Variants in FGF2 observed in about 807,000 individuals in gnomAD.
FGF2 encodes the protein fibroblast growth factor 2.
In FGF2, 13 loss-of-function variants were observed where a neutral mutation model predicts 15.9. The ratio of observed to expected loss-of-function variants is 0.82; its 90% CI spans 0.53 to 1.30. The LOEUF (loss-of-function observed/expected upper bound fraction) is 1.30, where lower values mean the gene tolerates loss of function less well. Ranked by LOEUF, FGF2 falls within the 50% of genes most tolerant of loss-of-function variation. The probability of loss-of-function intolerance (pLI) is 0.00; values close to 1 mark genes in which losing one functional copy is unlikely to be tolerated. For synonymous variants in FGF2, 90 were observed against 78.4 expected (o/e 1.15, Z -0.78); for missense variants, 163 against 196.9 (o/e 0.83, Z 1.03).
rs771402544 is a variant in FGF2 at position 122,826,838 on chromosome 4, TA to T, written c.-336del. On this transcript the variant is annotated 5_prime_UTR_variant, in exon 1 of 3. Coordinates refer to ENST00000644866, the MANE Select transcript of FGF2 (RefSeq NM_001361665.2). ...CGCCGCGGCCCGGCGGGTGCCAGAT[TA>T]GCGGACGCGGTGCCCGCGGTTGCAA... is the stretch of plus-strand genomic sequence containing the variant. 4 of 1,483,554 alleles carry T rather than the reference TA, an allele frequency of 2.7e-6. No individual in the cohort carries two copies. The Admixed American group carries it at 8.6e-5, about 32-fold the overall frequency. The allele number at this position is 1,483,554 out of a possible 1,614,324, so 91.9% of individuals were successfully genotyped here. A position where few individuals can be genotyped will look rare whatever the true frequency, so the allele number is the denominator to read the frequency against.
At chr4:122,832,250 C>T (rs1355868350) in intron 1 of FGF2, among the ~76,000 whole-genome samples, 2 of 152,058 alleles carry the variant, frequency 1.3e-5, no homozygotes, top group Admixed American at 1.3e-4. Context: ...CTTTGGGGCA[C>T]ATATCTTTTT....
chr4:122,837,278 G>A (rs1416581724), intron 1 of FGF2, among the ~76,000 whole-genome samples: 13 of 152,146 alleles, frequency 8.5e-5, no homozygotes, highest in African/African-American at 3.1e-4. Context: ...TGAATGACCA[G>A]TCTCATTCTA....
chr4:122,869,805 C>T (rs1726690454), intron 1 of FGF2, among the ~76,000 whole-genome samples: 1 of 152,152 alleles, frequency 6.6e-6, no homozygotes. Flanking sequence ...GACTTCCTCT[C>T]TTCCTATTTC....
At chr4:122,857,301 C>T (rs909588303) in intron 1 of FGF2, among the ~76,000 whole-genome samples, 1 of 152,212 alleles carries the variant, frequency 6.6e-6, no homozygotes, top group African/African-American at 2.4e-5. Flanking sequence ...GTCCTCTCTA[C>T]CTGTCAACTT....
Position 122,892,471 on chromosome 4 carries a change from A to G in FGF2, c.*75A>G. 1 of 1,605,766 alleles carries G rather than the reference A, an allele frequency of 6.2e-7. No homozygotes were observed. Among genetic ancestry groups the G allele is most frequent in the East Asian group, 2.2e-5 (1 of 44,694 alleles). ...TTAGAAATTTGTTAATGAGAGTAAA[A>G]GAAAATAAATGTGTATAGCTCAGTT... On this transcript the variant is annotated 3_prime_UTR_variant, in exon 3 of 3. Coordinates refer to ENST00000644866, the MANE Select transcript of FGF2 (RefSeq NM_001361665.2).
At chr4:122,846,371 G>A (rs2150768930) in intron 1 of FGF2, among the ~76,000 whole-genome samples, 1 of 152,320 alleles carries the variant, frequency 6.6e-6, no homozygotes, top group South Asian at 2.1e-4. Flanking sequence ...CTTGCTCGAT[G>A]CAGGATTTCC....
At chr4:122,850,802 CAG>C (rs2150771323) in intron 1 of FGF2, among the ~76,000 whole-genome samples, 1 of 152,156 alleles carries the variant, frequency 6.6e-6, no homozygotes, top group South Asian at 2.1e-4. Context: ...TTTTGTGGCA[CAG>C]GGGAAGGAAA....
At chr4:122,885,921 T>TCC (rs1560757903) in intron 2 of FGF2, among the ~76,000 whole-genome samples, 17 of 99,452 alleles carry the variant, frequency 1.7e-4, no homozygotes, top group Non-Finnish European at 2.7e-4. Context: ...TCCTTTTTTT[T>TCC]TTTTTTTTTT....
chr4:122,892,572 AG>A lies in FGF2; in HGVS notation c.*177del, dbSNP rs1727216520. On this transcript the variant is annotated 3_prime_UTR_variant, in exon 3 of 3. Transcript: ENST00000644866. The stretch of plus-strand genomic sequence containing the variant: ...TGTCCCAGTAAAGAAAAATAACAAA[AG>A]TTGTAAAATGTATATTCTCCCTTTT... The A allele has an allele frequency of 6.9e-7, 1 of 1,450,274 alleles. No individual in the cohort carries two copies. Among genetic ancestry groups the A allele is most frequent in the Non-Finnish European group, 9.0e-7 (1 of 1,107,228 alleles). 89.8% of individuals were successfully genotyped at this position (1,450,274 alleles called of 1,614,324 possible). A position where few individuals can be genotyped will look rare whatever the true frequency, so the allele number is the denominator to read the frequency against.
chr4:122,862,844 T>C (rs1372011636), intron 1 of FGF2, among the ~76,000 whole-genome samples: 1 of 152,220 alleles, frequency 6.6e-6, no homozygotes, highest in East Asian at 1.9e-4. Context: ...GTTTAGGTCT[T>C]AGTGGATTTA....
At chr4:122,871,798 A>AC (rs1726740890) in intron 1 of FGF2, among the ~76,000 whole-genome samples, 1 of 150,052 alleles carries the variant, frequency 6.7e-6, no homozygotes. Context: ...AAAAAAAAAA[A>AC]CTAGCAGAAA....
chr4:122,829,377 T>A (rs773959415), intron 1 of FGF2, among the ~76,000 whole-genome samples: 1 of 152,300 alleles, frequency 6.6e-6, no homozygotes, highest in East Asian at 1.9e-4. Flanking sequence ...AGGCCGGGGA[T>A]GCTGCTGAAC....
intron 2 of FGF2, chr4:122,884,815 G>C (rs1177385816): frequency 1.3e-5 from 2 of 152,350 alleles, no homozygotes; most frequent in African/African-American, 2.4e-5. Context: ...GGGGTGAGAG[G>C]AGGTGCTGGG....
At chr4:122,849,830 C>T (rs1726192341) in intron 1 of FGF2, among the ~76,000 whole-genome samples, 1 of 152,130 alleles carries the variant, frequency 6.6e-6, no homozygotes, top group Non-Finnish European at 1.5e-5. Flanking sequence ...GGGATATGCC[C>T]AAGTGGCTAA....
chr4:122,876,551 A>G (rs1379781934), intron 2 of FGF2, 127 bp downstream of exon 2: 2 of 716,066 alleles, frequency 2.8e-6, no homozygotes, highest in African/African-American at 1.8e-5. Flanking sequence ...ACCCTGTAAA[A>G]TAGGGAGTAT....
chr4:122,847,703 C>G (rs1421777687), intron 1 of FGF2, among the ~76,000 whole-genome samples: 1 of 152,126 alleles, frequency 6.6e-6, no homozygotes, highest in Non-Finnish European at 1.5e-5. Flanking sequence ...GGAATTGGCT[C>G]ATGTGATTAC....
At chr4:122,834,825 G>T (rs150330125) in intron 1 of FGF2, among the ~76,000 whole-genome samples, 116 of 152,296 alleles carry the variant, frequency 7.6e-4, no homozygotes, top group African/African-American at 2.7e-3. Flanking sequence ...AGGCCCTCAG[G>T]CTTCAGGGGA....
intron 1 of FGF2, among the ~76,000 whole-genome samples, chr4:122,874,901 A>G (rs974540883): frequency 6.6e-6 from 1 of 152,106 alleles, no homozygotes; most frequent in African/African-American, 2.4e-5. Flanking sequence ...GATTTCTAAA[A>G]TTGCATTTTT....
Position 122,872,335 on chromosome 4 carries a change from T to G in FGF2, c.179-3986T>G, listed in dbSNP as rs308372. Among the ~76,000 whole-genome samples, 577 of 151,394 alleles carry G rather than the reference T, an allele frequency of 3.8e-3. 5 individuals carry two copies. Among genetic ancestry groups the G allele is most frequent in the African/African-American group, 0.013 (553 of 41,136 alleles). On this transcript the variant is annotated intron_variant, in intron 1 of 2. Coordinates refer to ENST00000644866, the MANE Select transcript of FGF2 (RefSeq NM_001361665.2). Reference sequence around the variant, plus strand: ...AGACAAGACTAGAGAAGAAAGAATGTGAAGGAATGAAGAAAGCCTCCAAGA... The same window carrying G: ...AGACAAGACTAGAGAAGAAAGAATGGGAAGGAATGAAGAAAGCCTCCAAGA...
Sources: gnomAD v4.1 joint callset for allele counts (sites outside exome capture counted in the v4.1 genomes callset) on GRCh38, gnomAD v4.1.1 for gene constraint, MANE v1.5 for transcripts, NCBI Gene and HGNC (gene_info 2026-07-23, HGNC 2026-07-21) for gene names.